CPM: variants seen among roughly 807,000 people sequenced by gnomAD.
CPM encodes renal carboxypeptidase.
In CPM, 35 loss-of-function variants were observed where a neutral mutation model predicts 46.4. The observed-to-expected ratio is 0.75, with a 90% CI of 0.58 to 1.00. The LOEUF (loss-of-function observed/expected upper bound fraction) is 1.00, where lower values mean the gene tolerates loss of function less well. Ranked by LOEUF, CPM falls within the 50% of genes least tolerant of loss-of-function variation. The pLI is 0.00. For missense variants in CPM, 422 were observed against 530.4 expected (o/e 0.80, Z 2.01); for synonymous variants, 195 against 195.3 (o/e 1.00, Z 0.01).
At chr12:68,955,349 T>C (rs530195573) in intron 1 of CPM, among the ~76,000 whole-genome samples, 37 of 152,298 alleles carry the variant, frequency 2.4e-4, no homozygotes, top group African/African-American at 8.9e-4. Flanking sequence ...TGGTGCGTAG[T>C]AGAAGTCCAG....
upstream of CPM, among the ~76,000 whole-genome samples, chr12:68,935,569 G>T (rs1488400377): frequency 6.6e-6 from 1 of 151,986 alleles, no homozygotes; most frequent in East Asian, 1.9e-4. Flanking sequence ...GGGATTACAT[G>T]AGTGAGCCAC....
At chr12:68,953,934 G>C (rs148675597) in intron 1 of CPM, among the ~76,000 whole-genome samples, 12 of 152,332 alleles carry the variant, frequency 7.9e-5, no homozygotes, top group Non-Finnish European at 8.8e-5. Context: ...GTTTATGGTG[G>C]CTTTGTCAGC....
At chr12:68,899,258 AT>A (rs1887016215) in intron 2 of CPM, among the ~76,000 whole-genome samples, 1 of 152,242 alleles carries the variant, frequency 6.6e-6, no homozygotes, top group Non-Finnish European at 1.5e-5. Context: ...ACCACCAAGC[AT>A]CAGGTAAATT....
At chr12:68,959,925 T>C (rs1889084702) in intron 1 of CPM, among the ~76,000 whole-genome samples, 1 of 152,250 alleles carries the variant, frequency 6.6e-6, no homozygotes, top group Admixed American at 6.5e-5. Flanking sequence ...ATCGGTTAGC[T>C]TCAGGGTTTA....
At chr12:68,956,307 G>C (rs543359201) in intron 1 of CPM, among the ~76,000 whole-genome samples, 1 of 152,196 alleles carries the variant, frequency 6.6e-6, no homozygotes, top group Non-Finnish European at 1.5e-5. Context: ...GAATTCCTGG[G>C]CCCCAAGAGT....
intron 7 of CPM, among the ~76,000 whole-genome samples, chr12:68,865,638 ACT>A (rs150987022): frequency 0.2 from 29,890 of 146,942 alleles, 3,299 homozygotes; most frequent in African/African-American, 0.3. Flanking sequence ...ACACACTCAC[ACT>A]CTCTCTCTCT....
At chr12:68,923,401 G>T (rs1185424770) in intron 2 of CPM, among the ~76,000 whole-genome samples, 1 of 152,088 alleles carries the variant, frequency 6.6e-6, no homozygotes, top group East Asian at 1.9e-4. Flanking sequence ...AGATACACAC[G>T]TTCAGGGATT....
At chr12:68,943,570 T>TA (rs1488646884) in intron 1 of CPM, among the ~76,000 whole-genome samples, 1 of 152,202 alleles carries the variant, frequency 6.6e-6, no homozygotes, top group Non-Finnish European at 1.5e-5. Flanking sequence ...AAGCAATTGT[T>TA]ACAATAGTGA....
intron 2 of CPM, among the ~76,000 whole-genome samples, chr12:68,924,292 C>T (rs982276615): frequency 1.3e-5 from 2 of 151,828 alleles, no homozygotes; most frequent in Admixed American, 6.6e-5. Context: ...GTCAGGAGTT[C>T]GAGACCAGCC....
chr12:68,886,459 C>T (rs1460265467), intron 2 of CPM, among the ~76,000 whole-genome samples: 3 of 151,992 alleles, frequency 2.0e-5, no homozygotes, highest in African/African-American at 4.8e-5. Context: ...AGTGAAATCC[C>T]GTCTCTACTA....
At chr12:68,888,105 T>A (rs1043514226) in intron 2 of CPM, among the ~76,000 whole-genome samples, 1 of 152,232 alleles carries the variant, frequency 6.6e-6, no homozygotes, top group Non-Finnish European at 1.5e-5. Context: ...AATTCTTTTG[T>A]GTTAACTAAT....
Position 68,870,272 on chromosome 12 carries a change from CAG to C in CPM, c.557_558del (p.Ser186CysfsTer15). The part of the protein sequence containing the change: ...KWLKTETFVL[S>X]ANLHGGALVA... ...ACGAGGGCACCACCATGGAGGTTTG[CAG>C]AGAGGACAAACGTCTCTGTTTTCAG... On this transcript the variant is annotated frameshift_variant, in exon 5 of 9. Coordinates refer to ENST00000551568, the MANE Select transcript of CPM (RefSeq NM_198320.5). LOFTEE classifies it high-confidence loss of function. 1.2e-6 allele frequency: 2 copies of C among 1,614,192 alleles called. No individual in the cohort carries two copies. The highest frequency in any genetic ancestry group is 1.7e-6 in the Non-Finnish European group (2 of 1,180,020).
intron 3 of CPM, among the ~76,000 whole-genome samples, chr12:68,874,957 A>G (rs1350325489): frequency 6.6e-6 from 1 of 152,238 alleles, no homozygotes; most frequent in Non-Finnish European, 1.5e-5. Flanking sequence ...AGTGAAAAGG[A>G]AGAGTAAAGA....
At chr12:68,925,805 T>C (rs1389072382) in intron 2 of CPM, among the ~76,000 whole-genome samples, 2 of 152,228 alleles carry the variant, frequency 1.3e-5, no homozygotes, top group African/African-American at 4.8e-5. Context: ...TTGCACTCTA[T>C]AGCAGCACAG....
intron 3 of CPM, among the ~76,000 whole-genome samples, chr12:68,884,097 C>T (rs1236545833): frequency 7.0e-5 from 7 of 100,210 alleles, no homozygotes; most frequent in Non-Finnish European, 1.1e-4. Context: ...GAGACAAGAG[C>T]GAAATTCCAT....
At chr12:68,927,505 T>G (rs1370426498) in intron 2 of CPM, among the ~76,000 whole-genome samples, 4 of 152,182 alleles carry the variant, frequency 2.6e-5, no homozygotes, top group African/African-American at 7.2e-5. Flanking sequence ...TTTCTCCCAT[T>G]TTGGAGGTTG....
At position 68,956,768 on chromosome 12, in the gene CPM, G is replaced by A. The variant is rs80086385; in HGVS notation, c.-4+6401C>T. 5.9e-3 allele frequency among the ~76,000 whole-genome samples: 906 copies of A among 152,272 alleles called. 12 individuals carry two copies. The highest frequency in any genetic ancestry group is 0.021 in the African/African-American group (867 of 41,546). On this transcript the variant is annotated intron_variant, in intron 1 of 8. Transcript: ENST00000546373. ...CACCAAATCACAGTTCACATGTTACGTTGTAAAAGCTCTATTAATGGCAGT... is the reference window on the plus strand; with the variant it reads ...CACCAAATCACAGTTCACATGTTACATTGTAAAAGCTCTATTAATGGCAGT...
intron 3 of CPM, among the ~76,000 whole-genome samples, chr12:68,874,706 G>A (rs572179291): frequency 6.6e-6 from 1 of 152,262 alleles, no homozygotes; most frequent in South Asian, 2.1e-4. Context: ...TGAGGAGGAA[G>A]TGACCAGGAG....
chr12:68,951,666 C>T (rs1831165152), intron 1 of CPM, among the ~76,000 whole-genome samples: 1 of 152,154 alleles, frequency 6.6e-6, no homozygotes, highest in African/African-American at 2.4e-5. Flanking sequence ...TGCCAGCCCC[C>T]ACCACCAGCG....
Sources: allele counts gnomAD v4.1 joint callset (sites outside exome capture counted in the v4.1 genomes callset), GRCh38; gene constraint gnomAD v4.1.1; transcripts MANE v1.5; gene names NCBI Gene and HGNC (gene_info 2026-07-23, HGNC 2026-07-21).